MTCL1: variants seen among roughly 807,000 people sequenced by gnomAD.
MTCL1 encodes the protein microtubule cross-linking factor 1.
Under a neutral mutation model 141.4 loss-of-function variants are expected in MTCL1, and 79 were observed. That is an observed-to-expected ratio of 0.56 (90% CI 0.47 to 0.67). The LOEUF is 0.67. Among genes scored for constraint, MTCL1 ranks in the 30% least tolerant of loss-of-function variants. The pLI, the probability that MTCL1 is intolerant of heterozygous loss-of-function variation, is 0.00. For synonymous variants in MTCL1, 914 were observed against 875.8 expected, an observed-to-expected ratio of 1.04 and a Z score of -0.77; for missense variants, 2,177 against 2,113.9, an observed-to-expected ratio of 1.03 and a Z score of -0.59.
At chr18:8,778,048 A>G (rs1357838746) in intron 5 of MTCL1, 156 bp downstream of exon 4, 5 of 571,742 alleles carry the variant, frequency 8.7e-6, no homozygotes, top group Admixed American at 3.4e-5. Context: ...CACAGTGTGA[A>G]CATTTTCTTT....
intron 3 of MTCL1, among the ~76,000 whole-genome samples, chr18:8,719,828 C>T (rs2096156266): frequency 6.6e-6 from 1 of 152,098 alleles, no homozygotes; most frequent in Non-Finnish European, 1.5e-5. Flanking sequence ...TCTTTGCCTC[C>T]CAAAGTGCTG....
chr18:8,815,030 TA>T (rs1168436653), intron 12 of MTCL1, among the ~76,000 whole-genome samples: 1 of 152,178 alleles, frequency 6.6e-6, no homozygotes, highest in African/African-American at 2.4e-5. Context: ...GGTGGGACTG[TA>T]AACTAGTTCA....
chr18:8,710,154 TTAAA>T (rs2096079058), intron 1 of MTCL1, among the ~76,000 whole-genome samples: 1 of 152,234 alleles, frequency 6.6e-6, no homozygotes, highest in Admixed American at 6.5e-5. Flanking sequence ...CTGTATTTTT[TTAAA>T]TAGTCAGTGT....
chr18:8,819,597 T>C (rs1336972257), intron 13 of MTCL1, among the ~76,000 whole-genome samples: 1 of 152,148 alleles, frequency 6.6e-6, no homozygotes, highest in Non-Finnish European at 1.5e-5. Flanking sequence ...GCTCAACTTT[T>C]TCTTTTTTCT....
At position 8,705,753 on chromosome 18, in the gene MTCL1, G is replaced by T. The variant is rs1054309548; in HGVS notation, c.93G>T (p.Pro31=). ...ACCACCGCCACCACCACCTCCACCCGGTGGCCGAAAGGCGGCGGCTGCACC... is the reference window on the plus strand; with the variant it reads ...ACCACCGCCACCACCACCTCCACCCTGTGGCCGAAAGGCGGCGGCTGCACC... The change falls in exon 1 of 14, where the codon CCG becomes CCT. Residue 31 remains proline, a synonymous_variant. Coordinates refer to the MTCL1 transcript ENST00000306329. This position sits in a 1 kb window ranked among gnomAD's most constrained non-coding sequence, Gnocchi z 5.2. 80 of 1,203,514 alleles carry T rather than the reference G, an allele frequency of 6.6e-5. 1 individual carries two copies. The Middle Eastern group carries it at 1.5e-3, about 22-fold the overall frequency. The allele number at this position is 1,203,514 out of a possible 1,614,324, so 74.6% of individuals were successfully genotyped here.
intron 1 of MTCL1, among the ~76,000 whole-genome samples, chr18:8,711,326 T>C (rs1467614973): frequency 1.4e-5 from 2 of 147,718 alleles, no homozygotes; most frequent in African/African-American, 5.1e-5. Flanking sequence ...TCTTTGCTAT[T>C]GTGAATAATG....
intron 4 of MTCL1, among the ~76,000 whole-genome samples, chr18:8,731,717 AT>A (rs869281388): frequency 6.1e-5 from 7 of 114,046 alleles, no homozygotes; most frequent in East Asian, 2.7e-4. Flanking sequence ...CAAAAAAAAA[AT>A]TTTTTTTTGA....
At chr18:8,721,622 A>C (rs2096173421) in intron 4 of MTCL1, among the ~76,000 whole-genome samples, 1 of 151,854 alleles carries the variant, frequency 6.6e-6, no homozygotes, top group African/African-American at 2.4e-5. Context: ...GTCCTTGCTG[A>C]GATTCACTCA....
At chr18:8,826,261 T>C in intron 15 of MTCL1, 29 bp downstream of exon 14, 1 of 1,511,972 alleles carries the variant, frequency 6.6e-7, no homozygotes. Flanking sequence ...CCCACACCCT[T>C]CCCCACCAGC....
exon 3 of MTCL1, chr18:8,718,495 G>A: frequency 6.2e-7 from 1 of 1,614,228 alleles, no homozygotes; most frequent in Non-Finnish European, 8.5e-7. Flanking sequence ...ATGTTTACCA[G>A]CTGCAGGAAC....
At chr18:8,825,269 A>C in exon 15 of MTCL1, 1 of 1,574,018 alleles carries the variant, frequency 6.4e-7, no homozygotes, top group Non-Finnish European at 8.6e-7. Context: ...TGGAGGGGGC[A>C]CGGCGCCCCC....
chr18:8,713,393 A>G (rs889932577), upstream of MTCL1, among the ~76,000 whole-genome samples: 3 of 152,232 alleles, frequency 2.0e-5, no homozygotes, highest in Admixed American at 2.0e-4. Flanking sequence ...TTTATGTACT[A>G]TCTCTAAATT....
intron 4 of MTCL1, among the ~76,000 whole-genome samples, chr18:8,762,622 C>T (rs1387030879): frequency 2.0e-5 from 3 of 152,244 alleles, no homozygotes; most frequent in Non-Finnish European, 4.4e-5. Flanking sequence ...ATGATGACTT[C>T]GTGGCTTCCA....
At chr18:8,728,736 T>TTG (rs2096232633) in intron 4 of MTCL1, among the ~76,000 whole-genome samples, 1 of 107,214 alleles carries the variant, frequency 9.3e-6, no homozygotes, top group African/African-American at 3.9e-5. Flanking sequence ...TTTTTTTTTT[T>TTG]TTTTTTTTTT....
At chr18:8,743,593 C>G (rs1181326644) in intron 4 of MTCL1, among the ~76,000 whole-genome samples, 1 of 152,254 alleles carries the variant, frequency 6.6e-6, no homozygotes, top group East Asian at 1.9e-4. Context: ...CTTGCTCATT[C>G]CAGCTTCCAG....
intron 4 of MTCL1, among the ~76,000 whole-genome samples, chr18:8,720,888 T>A (rs1365546458): frequency 1.3e-5 from 2 of 150,862 alleles, no homozygotes; most frequent in African/African-American, 2.4e-5. Context: ...CTATTATTGC[T>A]AGAATACAGA....
upstream of MTCL1, among the ~76,000 whole-genome samples, chr18:8,712,603 C>G (rs2096100720): frequency 6.6e-6 from 1 of 152,186 alleles, no homozygotes; most frequent in South Asian, 2.1e-4. Context: ...TCCATACCCA[C>G]TCTGTATTCA....
chr18:8,812,388 T>C (rs987507597), intron 11 of MTCL1, among the ~76,000 whole-genome samples: 42 of 152,238 alleles, frequency 2.8e-4, no homozygotes, highest in Admixed American at 9.8e-4. Flanking sequence ...GAGATCTTTT[T>C]TCTTGAACAC....
At chr18:8,823,473 C>G (rs1440975930) in intron 14 of MTCL1, among the ~76,000 whole-genome samples, 1 of 152,176 alleles carries the variant, frequency 6.6e-6, no homozygotes, top group Admixed American at 6.5e-5. Context: ...TGAAACTCAT[C>G]ATTAATTCAG....
Sources: allele counts gnomAD v4.1 joint callset (sites outside exome capture counted in the v4.1 genomes callset), GRCh38; gene constraint gnomAD v4.1.1; non-coding constraint Gnocchi (gnomAD v3.1); transcripts MANE v1.5; gene names NCBI Gene and HGNC (gene_info 2026-07-23, HGNC 2026-07-21).